Variants in NRIP3 observed in about 807,000 individuals in gnomAD.
NRIP3 encodes nuclear receptor-interacting protein 3.
A neutral mutation model predicts 29.0 loss-of-function variants in NRIP3; 31 were observed. The observed-to-expected ratio is 1.07, with a 90% CI of 0.80 to 1.44. The LOEUF (loss-of-function observed/expected upper bound fraction) is 1.44. Among genes scored for constraint, NRIP3 ranks in the 40% most tolerant of loss-of-function variants. NRIP3 has a pLI of 0.00. For missense variants in NRIP3, 314 were observed against 297.9 expected, an observed-to-expected ratio of 1.05 and a Z score of -0.40; for synonymous variants, 131 against 118.3, an observed-to-expected ratio of 1.11 and a Z score of -0.70.
rs12283207 is a variant in NRIP3 at position 8,984,328 on chromosome 11, T to C, written c.563-204A>G. The stretch of plus-strand genomic sequence containing the variant: ...CCCAGGCTGGAGTGCAGTGGCGCAA[T>C]CTCGGCTCACTGCAACCTCTGCCTC... On this transcript the variant is annotated intron_variant, in intron 4 of 6. Transcript: ENST00000309166. Among the ~76,000 whole-genome samples, 1,460 of 152,066 alleles carry C rather than the reference T, an allele frequency of 9.6e-3. 22 individuals are homozygous for C. Among genetic ancestry groups the C allele is most frequent in the African/African-American group, 0.034 (1,396 of 41,464 alleles).
Position 8,987,591 on chromosome 11 carries a change from A to T in NRIP3, c.379T>A (p.Cys127Ser). 1 of 1,614,138 alleles carries T rather than the reference A, an allele frequency of 6.2e-7. No homozygotes were observed. The highest frequency in any genetic ancestry group is 2.2e-5 in the East Asian group (1 of 44,884). ...KDVKALVDTG[C>S]LYNLISLACV... Reference sequence around the variant, plus strand: ...GCCAAAGAGATGAGATTATATAGGCAGCCTGTGTCAACCAAGGCTTTCACA... The same window carrying T: ...GCCAAAGAGATGAGATTATATAGGCTGCCTGTGTCAACCAAGGCTTTCACA... The change falls in exon 3 of 7, where the codon TGC (cysteine) becomes AGC (serine). Residue 127 changes from cysteine to serine, a missense_variant. By Grantham distance (112) the Cys-to-Ser change is moderately radical. Coordinates refer to ENST00000309166, the MANE Select transcript of NRIP3 (RefSeq NM_020645.3).
At chr11:9,000,302 T>C (rs1334918971) in intron 1 of NRIP3, among the ~76,000 whole-genome samples, 1 of 152,242 alleles carries the variant, frequency 6.6e-6, no homozygotes, top group Non-Finnish European at 1.5e-5. Flanking sequence ...GGTGTTATAC[T>C]GGTATTTCAC....
chr11:8,990,592 C>G (rs1589961239), intron 1 of NRIP3, among the ~76,000 whole-genome samples: 1 of 151,962 alleles, frequency 6.6e-6, no homozygotes, highest in African/African-American at 2.4e-5. Context: ...TCGAGACCAG[C>G]CTGTCCAACA....
At chr11:8,986,291 G>A (rs1298536975) in intron 3 of NRIP3, among the ~76,000 whole-genome samples, 1 of 152,128 alleles carries the variant, frequency 6.6e-6, no homozygotes. Flanking sequence ...ATTTCACTCT[G>A]TCTTCATCAG....
upstream of NRIP3, chr11:9,004,041 T>C: frequency 8.5e-7 from 1 of 1,169,808 alleles, no homozygotes; most frequent in Non-Finnish European, 1.1e-6. Flanking sequence ...TAGCCGAGCG[T>C]GACGTCGCGG....
chr11:8,993,577 G>GGC (rs1244194302), intron 1 of NRIP3, among the ~76,000 whole-genome samples: 2 of 152,160 alleles, frequency 1.3e-5, no homozygotes, highest in African/African-American at 2.4e-5. Flanking sequence ...GGGAGGCCAA[G>GGC]GCGGGCGGAT....
chr11:9,000,258 C>T (rs537951754), intron 1 of NRIP3, among the ~76,000 whole-genome samples: 1 of 152,294 alleles, frequency 6.6e-6, no homozygotes, highest in South Asian at 2.1e-4. Context: ...GATGCAATCA[C>T]GACTCTGCAA....
rs114283401 is a variant in NRIP3, at chr11:8,983,922, G to T, written c.663C>A (p.Asp221Glu). 1 of 1,614,190 alleles carries T rather than the reference G, an allele frequency of 6.2e-7. No homozygotes were observed. The highest frequency in any genetic ancestry group is 1.7e-5 in the Admixed American group (1 of 60,026). ...DKHRLIMGKTDKEEIPFVETV... is the reference protein window; with the variant it reads ...DKHRLIMGKTEKEEIPFVETV... The stretch of plus-strand genomic sequence containing the variant: ...TCTCCACAAAAGGGATTTCTTCCTT[G>T]TCTGTCTTCCCCATGATCAGCCGGT... Residue 221 changes from aspartate (D) to glutamate (E), a missense_variant, in exon 6 of 7, where the codon GAC (aspartate) becomes GAA (glutamate). Physicochemically the swap from Asp to Glu is conservative, Grantham distance 45. Coordinates refer to ENST00000309166, the MANE Select transcript of NRIP3 (RefSeq NM_020645.3).
Position 8,985,768 on chromosome 11 carries a change from C to G in NRIP3, c.505G>C (p.Glu169Gln). 1 of 1,614,120 alleles carries G rather than the reference C, an allele frequency of 6.2e-7. No homozygotes were observed. Among genetic ancestry groups the G allele is most frequent in the South Asian group, 1.1e-5 (1 of 91,066 alleles). ...PRHLKVVGQI[E>Q]HLVITLGSLR... ...GAGCCCAGTGTGATCACTAGGTGCT[C>G]AATCTGGCCCACTACTTTGAGATGC... The change falls in exon 4 of 7, where the codon GAG (glutamate) becomes CAG (glutamine). Residue 169 changes from glutamate (E) to glutamine (Q), a missense_variant. Transcript: ENST00000309166.
rs544356166 is a variant in NRIP3, at chr11:8,985,721, T to C, written c.552A>G (p.Ala184=). ...CTCAATTCTGCTTACCAACCACAGC[T>C]GCTGGGCAGTCCAGGCGGAGGGAGC... ...TLGSLRLDCP[A]AVVDDNEKNL... The change falls in exon 4 of 7, where the codon GCA becomes GCG. Residue 184 remains alanine, a synonymous_variant. Transcript: ENST00000309166. The C allele has an allele frequency of 1.5e-4, 240 of 1,613,926 alleles. 3 individuals are homozygous for C. In the South Asian group the frequency reaches 2.5e-3, roughly 17 times the overall value.
At chr11:8,996,479 C>T (rs1207875341) in intron 1 of NRIP3, among the ~76,000 whole-genome samples, 2 of 151,980 alleles carry the variant, frequency 1.3e-5, no homozygotes, top group East Asian at 3.9e-4. Flanking sequence ...TGAGGTTTCA[C>T]CATGTTGGCC....
At chr11:8,994,853 G>A (rs923238666) in intron 1 of NRIP3, among the ~76,000 whole-genome samples, 5 of 152,054 alleles carry the variant, frequency 3.3e-5, no homozygotes, top group African/African-American at 4.8e-5. Context: ...TACTCCCAGG[G>A]CAATTTTATC....
At chr11:8,997,354 T>C (rs1453708938) in intron 1 of NRIP3, among the ~76,000 whole-genome samples, 1 of 15,768 alleles carries the variant, frequency 6.3e-5, no homozygotes, top group East Asian at 2.3e-3. Context: ...AGACTCCGTC[T>C]CAAAAAAAAA....
intron 1 of NRIP3, among the ~76,000 whole-genome samples, chr11:8,990,618 T>C (rs971040010): frequency 3.9e-5 from 6 of 151,982 alleles, no homozygotes; most frequent in Non-Finnish European, 5.9e-5. Flanking sequence ...AAACCCTGTC[T>C]CTACTAAAAG....
intron 1 of NRIP3, among the ~76,000 whole-genome samples, chr11:8,995,278 T>C (rs747116762): frequency 6.6e-6 from 1 of 152,208 alleles, no homozygotes; most frequent in Non-Finnish European, 1.5e-5. Context: ...GGCTTTCTGC[T>C]TTCAGCAAAT....
At chr11:8,991,412 C>G (rs1854599726) in intron 1 of NRIP3, among the ~76,000 whole-genome samples, 1 of 152,084 alleles carries the variant, frequency 6.6e-6, no homozygotes, top group African/African-American at 2.4e-5. Context: ...GCCAACAAAC[C>G]CATATGAACC....
At position 8,987,593 on chromosome 11, in the gene NRIP3, C is replaced by G. The variant is rs1462317044; in HGVS notation, c.377G>C (p.Gly126Ala). 1.9e-6 allele frequency: 3 copies of G among 1,613,972 alleles called. No individual in the cohort carries two copies. Among genetic ancestry groups the G allele is most frequent in the Admixed American group, 1.7e-5 (1 of 60,006 alleles). Residue 126 changes from glycine to alanine, a missense_variant, in exon 3 of 7, where the codon GGC (glycine) becomes GCC (alanine). By Grantham distance (60) the Gly-to-Ala change is moderately conservative. Transcript: ENST00000309166. ...CAAAGAGATGAGATTATATAGGCAG[C>G]CTGTGTCAACCAAGGCTTTCACATC... ...GKDVKALVDT[G>A]CLYNLISLAC...
chr11:8,996,881 T>C (rs1435106550), intron 1 of NRIP3, among the ~76,000 whole-genome samples: 1 of 151,998 alleles, frequency 6.6e-6, no homozygotes, highest in Non-Finnish European at 1.5e-5. Context: ...TGAAATTGTG[T>C]CTCTACAAAA....
chr11:8,993,258 A>C (rs1854639830), intron 1 of NRIP3, among the ~76,000 whole-genome samples: 1 of 152,242 alleles, frequency 6.6e-6, no homozygotes, highest in Non-Finnish European at 1.5e-5. Flanking sequence ...CTATAGTTTT[A>C]AGTTACTTGA....
Sources: allele counts gnomAD v4.1 joint callset (sites outside exome capture counted in the v4.1 genomes callset), GRCh38; gene constraint gnomAD v4.1.1; transcripts MANE v1.5; gene names NCBI Gene and HGNC (gene_info 2026-07-23, HGNC 2026-07-21).